EDA: variants seen among roughly 807,000 people sequenced by gnomAD.
The protein encoded by EDA is ectodysplasin-A.
A neutral mutation model predicts 23.6 loss-of-function variants in EDA; 2 were observed. The ratio of observed to expected loss-of-function variants is 0.08; its 90% confidence interval spans 0.03 to 0.27. The LOEUF (loss-of-function observed/expected upper bound fraction) is 0.27, where lower values mean the gene tolerates loss of function less well. Among genes scored for constraint, EDA ranks in the 10% least tolerant of loss-of-function variants. The pLI, the probability that EDA is intolerant of heterozygous loss-of-function variation, is 1.00. For missense variants in EDA, 229 were observed against 324.2 expected (o/e 0.71, Z 2.26); for synonymous variants, 131 against 132.0 (o/e 0.99, Z 0.05).
chrX:69,955,554 C>T (rs1277816019), intron 1 of EDA, among the ~76,000 whole-genome samples: 5 of 111,337 alleles, frequency 4.5e-5, no homozygotes, highest in African/African-American at 1.6e-4. Flanking sequence ...ATGGAGCAGA[C>T]ATGAGGACTC....
At chrX:69,974,422 T>C (rs1005181551) in intron 2 of EDA, among the ~76,000 whole-genome samples, 2 of 110,874 alleles carry the variant, frequency 1.8e-5, no homozygotes, top group Non-Finnish European at 3.8e-5. Flanking sequence ...TCAAGATTGA[T>C]TAAAGACTTA....
In EDA at chrX:69,682,139, CA is replaced by C. The variant is rs777478361; in HGVS notation, c.396+65436del. The stretch of plus-strand genomic sequence containing the variant: ...CCTCCCAGTTAGGCTGCTCAGGGGT[CA>C]GGGGTCAGGGACCCGCTTGTGGAGG... On this transcript the variant is annotated intron_variant, in intron 1 of 7. Coordinates refer to ENST00000374552, the MANE Select transcript of EDA (RefSeq NM_001399.5). Among the ~76,000 whole-genome samples, 171 of 112,447 alleles carry C rather than the reference CA, an allele frequency of 1.5e-3. 3 individuals carry two copies. The highest frequency in any genetic ancestry group is 4.6e-3 in the Middle Eastern group (1 of 218).
intron 1 of EDA, among the ~76,000 whole-genome samples, chrX:69,635,871 T>TA (rs1319705192): frequency 6.3e-5 from 7 of 110,698 alleles, no homozygotes; most frequent in Non-Finnish European, 1.3e-4. Context: ...TTTCAATACT[T>TA]ACTACCTCAA....
At chrX:69,759,067 A>G (rs1160337268) in intron 1 of EDA, among the ~76,000 whole-genome samples, 2 of 112,596 alleles carry the variant, frequency 1.8e-5, no homozygotes, top group Non-Finnish European at 3.7e-5. Context: ...ATTGAAAAAT[A>G]GGATTTATTA....
At chrX:69,695,210 C>G (rs2011292541) in intron 1 of EDA, among the ~76,000 whole-genome samples, 1 of 110,086 alleles carries the variant, frequency 9.1e-6, no homozygotes, top group Non-Finnish European at 1.9e-5. Flanking sequence ...GTCCCAGCTA[C>G]TCGGCAGGCT....
chrX:69,950,793 G>C (rs1436674389), intron 1 of EDA, among the ~76,000 whole-genome samples: 1 of 89,126 alleles, frequency 1.1e-5, no homozygotes, highest in Non-Finnish European at 2.2e-5. Flanking sequence ...CCTTTGTAGG[G>C]ACATGGATGA....
chrX:69,993,012 T>C (rs1052981095), intron 2 of EDA, among the ~76,000 whole-genome samples: 2 of 111,109 alleles, frequency 1.8e-5, no homozygotes, highest in South Asian at 7.5e-4. Context: ...CTTATTCTAC[T>C]TTTTCTAATA....
At chrX:69,616,748 G>A (rs200189083) in intron 1 of EDA, 44 bp downstream of exon 1, 172 of 1,204,035 alleles carry the variant, frequency 1.4e-4, no homozygotes, top group Admixed American at 1.1e-3. Context: ...TCCCCTCGCG[G>A]GTAGGGCGAG....
chrX:69,896,009 AG>A (rs1427865229), intron 1 of EDA, among the ~76,000 whole-genome samples: 2 of 112,086 alleles, frequency 1.8e-5, no homozygotes, highest in Non-Finnish European at 3.8e-5. Context: ...CAGCTCTAAA[AG>A]CTGGAAGTCT....
Position 69,793,576 on chromosome X carries a change from T to TTG in EDA, c.397-163450_397-163449insGT, listed in dbSNP as rs1199678905. On this transcript the variant is annotated intron_variant, in intron 1 of 7. Transcript: ENST00000374552. ...TGTTTGTTTGTTTGTTTTTGTTTTT[T>TTG]TTTTTTTTTTTTTGCTCCCGCTTTA... 3.0e-4 allele frequency among the ~76,000 whole-genome samples: 30 copies of TTG among 101,191 alleles called. No homozygotes were observed. The East Asian group carries it at 7.4e-3, about 25-fold the overall frequency. 87.9% of individuals were successfully genotyped at this position (101,191 alleles called of 115,157 possible).
At position 69,869,367 on chromosome X, in the gene EDA, T is replaced by G. The variant is rs1224429127; in HGVS notation, c.397-87660T>G. ...TCAGCTCAGAGCCAGTGTCCAGTAGTCCCCAAAATATCTGATCATTTCCCT... is the reference window on the plus strand; with the variant it reads ...TCAGCTCAGAGCCAGTGTCCAGTAGGCCCCAAAATATCTGATCATTTCCCT... On this transcript the variant is annotated intron_variant, in intron 1 of 7. Transcript: ENST00000374552. 4.5e-5 allele frequency among the ~76,000 whole-genome samples: 5 copies of G among 111,072 alleles called. No homozygotes were observed. In the East Asian group the frequency reaches 1.4e-3, roughly 32 times the overall value.
At chrX:69,807,498 G>C (rs1569338915) in intron 1 of EDA, among the ~76,000 whole-genome samples, 1 of 101,312 alleles carries the variant, frequency 9.9e-6, no homozygotes, top group Non-Finnish European at 2.0e-5. Flanking sequence ...AATAATTTTA[G>C]ATTTTGGAGA....
chrX:69,783,025 G>C lies in EDA; in HGVS notation c.396+166321G>C, dbSNP rs1373181224. ...TCATATTTTTCAGAATGTGAGTCTTGTTTTGATAAGCCTGAAGTGTAAGTA... is the reference window on the plus strand; with the variant it reads ...TCATATTTTTCAGAATGTGAGTCTTCTTTTGATAAGCCTGAAGTGTAAGTA... On this transcript the variant is annotated intron_variant, in intron 1 of 7. Transcript: ENST00000374552. Among the ~76,000 whole-genome samples, 3 of 111,743 alleles carry C rather than the reference G, an allele frequency of 2.7e-5. No homozygotes were observed. The Admixed American group carries it at 2.9e-4, about 11-fold the overall frequency.
At chrX:69,789,160 G>A (rs2015316061) in intron 1 of EDA, among the ~76,000 whole-genome samples, 1 of 112,068 alleles carries the variant, frequency 8.9e-6, no homozygotes, top group African/African-American at 3.2e-5. Flanking sequence ...CTCATGCATG[G>A]TGCGTGCACC....
chrX:69,702,208 G>C (rs1248182453), intron 1 of EDA, among the ~76,000 whole-genome samples: 1 of 111,331 alleles, frequency 9.0e-6, no homozygotes, highest in East Asian at 2.8e-4. Context: ...TGAAGTAAGG[G>C]TGGGGCATGG....
chrX:69,866,828 G>A (rs1412380278), intron 1 of EDA, among the ~76,000 whole-genome samples: 4 of 112,014 alleles, frequency 3.6e-5, no homozygotes, highest in African/African-American at 6.5e-5. Flanking sequence ...ACTGCCTGCC[G>A]CACTTCTTTA....
rs928109906 is a variant in EDA at position 69,820,838 on chromosome X, A to G, written c.397-136189A>G. On this transcript the variant is annotated intron_variant, in intron 1 of 7. Coordinates refer to ENST00000374552, the MANE Select transcript of EDA (RefSeq NM_001399.5). The stretch of plus-strand genomic sequence containing the variant: ...TGGAAGACAGTGTGGTGATTCTTCA[A>G]AGACCTAGAGGCAGAAATACTATTT... Among the ~76,000 whole-genome samples the G allele has an allele frequency of 3.6e-5, 4 of 111,764 alleles. No individual in the cohort carries two copies. The East Asian group carries it at 8.5e-4, about 24-fold the overall frequency.
At chrX:69,756,608 A>G (rs1346577230) in intron 1 of EDA, among the ~76,000 whole-genome samples, 1 of 111,744 alleles carries the variant, frequency 8.9e-6, no homozygotes. Context: ...GGCCTTTGAG[A>G]ATTAAATTTC....
At chrX:69,849,098 CA>C (rs2017069626) in intron 1 of EDA, among the ~76,000 whole-genome samples, 1 of 49,516 alleles carries the variant, frequency 2.0e-5, no homozygotes, top group African/African-American at 4.6e-5. Flanking sequence ...CACACACACA[CA>C]CACACACACA....
Sources: allele counts gnomAD v4.1 joint callset (sites outside exome capture counted in the v4.1 genomes callset), GRCh38; gene constraint gnomAD v4.1.1; transcripts MANE v1.5; gene names NCBI Gene and HGNC (gene_info 2026-07-23, HGNC 2026-07-21).